Variants in ABL2 observed in about 807,000 individuals in gnomAD.
ABL2 encodes ABL proto-oncogene 2, non-receptor tyrosine kinase.
A neutral mutation model predicts 107.7 loss-of-function variants in ABL2; 49 were observed. That is an observed-to-expected ratio of 0.45 (90% CI 0.36 to 0.58). ABL2 has a LOEUF of 0.58. ABL2 is among the 20% of genes least tolerant of loss of function. The probability of loss-of-function intolerance (pLI) is 0.00; values close to 1 mark genes in which losing one functional copy is unlikely to be tolerated. For missense variants in ABL2, 1,245 were observed against 1,457.0 expected (o/e 0.85, Z 2.37); for synonymous variants, 549 against 548.6 (o/e 1.00, Z -0.01).
chr1:179,170,585 T>C (rs1389588773), intron 1 of ABL2, among the ~76,000 whole-genome samples: 2 of 151,892 alleles, frequency 1.3e-5, no homozygotes, highest in East Asian at 3.9e-4. Flanking sequence ...CCCAGCTAAT[T>C]TTTGTATTTG....
At chr1:179,202,732 G>A (rs868163994) in intron 1 of ABL2, among the ~76,000 whole-genome samples, 6 of 152,076 alleles carry the variant, frequency 3.9e-5, no homozygotes, top group African/African-American at 7.2e-5. Context: ...TCAACAGAAT[G>A]AAGAATACAG....
chr1:179,166,620 T>C (rs1422045550), intron 1 of ABL2, among the ~76,000 whole-genome samples: 1 of 151,350 alleles, frequency 6.6e-6, no homozygotes, highest in Non-Finnish European at 1.5e-5. Flanking sequence ...CTACTAAAAA[T>C]ACAAAAATTA....
chr1:179,191,524 G>C (rs551807270), intron 1 of ABL2, among the ~76,000 whole-genome samples: 3 of 146,638 alleles, frequency 2.0e-5, no homozygotes, highest in Non-Finnish European at 4.5e-5. Flanking sequence ...GGGTTCAAGC[G>C]ATTCTCTTGC....
intron 1 of ABL2, among the ~76,000 whole-genome samples, chr1:179,176,649 A>G (rs1311549710): frequency 2.0e-5 from 3 of 150,920 alleles, no homozygotes; most frequent in Non-Finnish European, 4.4e-5. Flanking sequence ...AACAAAAATA[A>G]TATGGCTTTT....
intron 1 of ABL2, among the ~76,000 whole-genome samples, chr1:179,146,657 C>T (rs1352460388): frequency 6.6e-6 from 1 of 152,000 alleles, no homozygotes; most frequent in Non-Finnish European, 1.5e-5. Context: ...AGGCATTTTC[C>T]CCCATGCTGT....
At chr1:179,115,114 T>C (rs1654499906) in intron 8 of ABL2, 84 bp from the exon 9 acceptor site, 1 of 1,346,358 alleles carries the variant, frequency 7.4e-7, no homozygotes, top group African/African-American at 1.5e-5. Context: ...TTTCATATTT[T>C]AGGTAACATT....
chr1:179,111,281 C>CTTT lies in ABL2; in HGVS notation c.1652-829_1652-827dup, dbSNP rs748453531. Among the ~76,000 whole-genome samples the CTTT allele has an allele frequency of 4.8e-3, 397 of 82,230 alleles. 13 individuals are homozygous for CTTT. The highest frequency in any genetic ancestry group is 0.015 in the African/African-American group (293 of 19,048). The allele number at this position is 82,230 out of a possible 152,430, so 53.9% of individuals were successfully genotyped here. On this transcript the variant is annotated intron_variant, in intron 10 of 11. Transcript: ENST00000502732. ...ACAGGTGTGAACCACAGTGCTCAGT[C>CTTT]TTTTTTTTTTTTTTTTTTTTTTGAC...
At chr1:179,160,697 T>G (rs1659009388) in intron 1 of ABL2, among the ~76,000 whole-genome samples, 1 of 152,194 alleles carries the variant, frequency 6.6e-6, no homozygotes, top group African/African-American at 2.4e-5. Flanking sequence ...ACAAACATTA[T>G]GTACCATATA....
At chr1:179,130,000 C>T (rs1223054366) in intron 3 of ABL2, among the ~76,000 whole-genome samples, 1 of 152,144 alleles carries the variant, frequency 6.6e-6, no homozygotes, top group Non-Finnish European at 1.5e-5. Context: ...GGTGCAGTGG[C>T]ACCATCTCAG....
chr1:179,206,586 G>A (rs1661981619), intron 1 of ABL2, among the ~76,000 whole-genome samples: 1 of 149,940 alleles, frequency 6.7e-6, no homozygotes, highest in Non-Finnish European at 1.5e-5. Flanking sequence ...CATCTAGGGG[G>A]AAAAAAAAAG....
At chr1:179,187,480 A>G (rs565579961) in intron 1 of ABL2, among the ~76,000 whole-genome samples, 1 of 152,320 alleles carries the variant, frequency 6.6e-6, no homozygotes, top group South Asian at 2.1e-4. Context: ...ATTTGTCAAA[A>G]CTGTGCAACA....
At chr1:179,164,292 T>C (rs192486337) in intron 1 of ABL2, among the ~76,000 whole-genome samples, 154 of 152,334 alleles carry the variant, frequency 1.0e-3, no homozygotes, top group Middle Eastern at 6.8e-3. Context: ...ATGAATGTCA[T>C]ATCATAGGAC....
chr1:179,213,311 C>T (rs191121069), intron 1 of ABL2, among the ~76,000 whole-genome samples: 14 of 151,796 alleles, frequency 9.2e-5, no homozygotes, highest in Admixed American at 8.5e-4. Flanking sequence ...TATTTTTACG[C>T]TTATTTTTAT....
intron 1 of ABL2, among the ~76,000 whole-genome samples, chr1:179,204,375 A>G (rs1661837911): frequency 1.3e-5 from 2 of 152,152 alleles, no homozygotes; most frequent in African/African-American, 2.4e-5. Flanking sequence ...AAATATTCAA[A>G]TAACACAGAC....
chr1:179,145,780 G>C (rs1053365985), intron 1 of ABL2, among the ~76,000 whole-genome samples: 1 of 152,130 alleles, frequency 6.6e-6, no homozygotes, highest in Non-Finnish European at 1.5e-5. Context: ...ATGAAACAAA[G>C]TAAGGTAGAC....
intron 1 of ABL2, among the ~76,000 whole-genome samples, chr1:179,139,052 A>T (rs1657319775): frequency 6.6e-6 from 1 of 152,190 alleles, no homozygotes; most frequent in Non-Finnish European, 1.5e-5. Flanking sequence ...TGCTGCGCTC[A>T]ATTTCTCGCT....
At chr1:179,191,369 G>A (rs1660998362) in intron 1 of ABL2, among the ~76,000 whole-genome samples, 1 of 143,836 alleles carries the variant, frequency 7.0e-6, no homozygotes, top group Admixed American at 7.0e-5. Context: ...ATTATTAGAT[G>A]TTGTATGATA....
At chr1:179,204,616 G>A (rs1352760205) in intron 1 of ABL2, among the ~76,000 whole-genome samples, 8 of 151,854 alleles carry the variant, frequency 5.3e-5, no homozygotes, top group Admixed American at 2.0e-4. Flanking sequence ...AGGTGGTGGC[G>A]CATGCCTGTA....
intron 1 of ABL2, among the ~76,000 whole-genome samples, chr1:179,160,985 C>T (rs1017029108): frequency 6.6e-6 from 1 of 152,158 alleles, no homozygotes; most frequent in African/African-American, 2.4e-5. Flanking sequence ...CCTCCCACCT[C>T]GGCCTCCCAA....
Sources: gnomAD v4.1 joint callset for allele counts (sites outside exome capture counted in the v4.1 genomes callset) on GRCh38, gnomAD v4.1.1 for gene constraint, MANE v1.5 for transcripts, NCBI Gene and HGNC (gene_info 2026-07-23, HGNC 2026-07-21) for gene names.